Variants in ITGA8 observed in about 807,000 individuals in gnomAD.
The protein encoded by ITGA8 is integrin subunit alpha 8.
In ITGA8, 91 loss-of-function variants were observed where a neutral mutation model predicts 142.3. The observed-to-expected ratio is 0.64, with a 90% confidence interval of 0.54 to 0.76. The LOEUF (loss-of-function observed/expected upper bound fraction) is 0.76, where lower values mean the gene tolerates loss of function less well. Ranked by LOEUF, ITGA8 falls within the 30% of genes least tolerant of loss-of-function variation. The pLI, the probability that ITGA8 is intolerant of heterozygous loss-of-function variation, is 0.00. For missense variants in ITGA8, 1,406 were observed against 1,327.7 expected, an observed-to-expected ratio of 1.06 and a Z score of -0.92; for synonymous variants, 505 against 485.2, an observed-to-expected ratio of 1.04 and a Z score of -0.54.
chr10:15,685,987 GT>G (rs1459301331), intron 3 of ITGA8, among the ~76,000 whole-genome samples: 2 of 152,146 alleles, frequency 1.3e-5, no homozygotes, highest in Non-Finnish European at 2.9e-5. Context: ...TTGGACTTCT[GT>G]TTTTCTTGCC....
chr10:15,569,528 C>G (rs545060102), intron 25 of ITGA8, among the ~76,000 whole-genome samples: 55 of 152,322 alleles, frequency 3.6e-4, no homozygotes, highest in African/African-American at 1.3e-3. Context: ...TCTGCTGCCT[C>G]CCTGTTCCTT....
At chr10:15,638,325 C>T (rs558988871) in intron 13 of ITGA8, among the ~76,000 whole-genome samples, 60 of 152,294 alleles carry the variant, frequency 3.9e-4, no homozygotes, top group African/African-American at 1.4e-3. Flanking sequence ...TCACAATCAG[C>T]CCTCCTCTGT....
intron 22 of ITGA8, among the ~76,000 whole-genome samples, chr10:15,587,898 C>T (rs1428100314): frequency 6.6e-6 from 1 of 152,154 alleles, no homozygotes; most frequent in African/African-American, 2.4e-5. Context: ...CAAAGAGGCT[C>T]AACCAGTAAC....
At chr10:15,568,748 A>G (rs1834123154) in intron 25 of ITGA8, among the ~76,000 whole-genome samples, 1 of 152,246 alleles carries the variant, frequency 6.6e-6, no homozygotes, top group Non-Finnish European at 1.5e-5. Context: ...TGATGCCGTC[A>G]AAGTATGTAT....
intron 28 of ITGA8, among the ~76,000 whole-genome samples, chr10:15,529,059 T>C (rs200395154): frequency 4.3e-5 from 6 of 139,816 alleles, no homozygotes; most frequent in African/African-American, 8.8e-5. Flanking sequence ...TTCCTTCCTT[T>C]CTTCCTTTCT....
chr10:15,583,899 A>G (rs1834462675), intron 23 of ITGA8, among the ~76,000 whole-genome samples: 1 of 152,348 alleles, frequency 6.6e-6, no homozygotes, highest in South Asian at 2.1e-4. Context: ...CTGTTGAAAG[A>G]TATTGGTAAT....
At chr10:15,660,953 A>T (rs1834274465) in intron 8 of ITGA8, 31 bp from the exon 9 acceptor site, 3 of 1,579,636 alleles carry the variant, frequency 1.9e-6, no homozygotes, top group Admixed American at 1.7e-5. Context: ...TTAGAAGGGG[A>T]ATTACTCACA....
intron 2 of ITGA8, among the ~76,000 whole-genome samples, chr10:15,696,563 T>G (rs867779657): frequency 1.7e-4 from 26 of 152,196 alleles, no homozygotes; most frequent in Non-Finnish European, 4.4e-5. Flanking sequence ...CACTTACCAA[T>G]CTGGCTCCAA....
intron 25 of ITGA8, among the ~76,000 whole-genome samples, chr10:15,570,610 C>CAAAAAAAAAAAAAAAAAAAA (rs931457896): frequency 2.5e-5 from 1 of 40,040 alleles, no homozygotes; most frequent in African/African-American, 9.4e-5. Context: ...AACTCCATCT[C>CAAAAAAAAAAAAAAAAAAAA]AAAAAAAAAA....
intron 26 of ITGA8, among the ~76,000 whole-genome samples, chr10:15,552,198 G>A (rs1342328827): frequency 6.6e-6 from 1 of 151,744 alleles, no homozygotes; most frequent in Non-Finnish European, 1.5e-5. Flanking sequence ...GTGCAGTGGT[G>A]CCATCTCAGC....
In ITGA8 at chr10:15,678,790, C is replaced by A; in HGVS notation, c.569-7G>T. The A allele has an allele frequency of 6.4e-7, 1 of 1,572,226 alleles. No homozygotes were observed. Among genetic ancestry groups the A allele is most frequent in the Non-Finnish European group, 8.7e-7 (1 of 1,144,632 alleles). ...CCTTCCGGATCAGCATTGCCTAGAACGATCAAAATACATAAATGTTATAAC... is the reference window on the plus strand; with the variant it reads ...CCTTCCGGATCAGCATTGCCTAGAAAGATCAAAATACATAAATGTTATAAC... On this transcript the variant is annotated splice_region_variant and splice_polypyrimidine_tract_variant and intron_variant, in intron 4 of 29. Coordinates refer to ENST00000378076, the MANE Select transcript of ITGA8 (RefSeq NM_003638.3).
intron 2 of ITGA8, among the ~76,000 whole-genome samples, chr10:15,715,753 G>C (rs995962083): frequency 6.6e-6 from 1 of 152,220 alleles, no homozygotes; most frequent in Admixed American, 6.5e-5. Context: ...CTTTGTCCAC[G>C]AAGTGGATGT....
chr10:15,663,893 A>G (rs1168197133), intron 8 of ITGA8, among the ~76,000 whole-genome samples: 1 of 152,208 alleles, frequency 6.6e-6, no homozygotes, highest in Non-Finnish European at 1.5e-5. Flanking sequence ...CTAATGCCAC[A>G]TTAAAAAAAA....
At chr10:15,548,405 A>T (rs755447135) in intron 27 of ITGA8, 50 bp downstream of exon 27, 4 of 1,279,934 alleles carry the variant, frequency 3.1e-6, no homozygotes, top group Non-Finnish European at 4.5e-6. Flanking sequence ...AGCTTTTGTG[A>T]AGCAGCTCCC....
intron 25 of ITGA8, among the ~76,000 whole-genome samples, chr10:15,561,496 C>T (rs978177103): frequency 6.6e-6 from 1 of 151,920 alleles, no homozygotes; most frequent in Non-Finnish European, 1.5e-5. Context: ...GCAAGCACAG[C>T]TTGGCTATAA....
At chr10:15,714,554 C>A (rs1156878015) in intron 2 of ITGA8, among the ~76,000 whole-genome samples, 2 of 152,128 alleles carry the variant, frequency 1.3e-5, no homozygotes, top group Admixed American at 1.3e-4. Flanking sequence ...CTTTGCATCT[C>A]CCCCACCAGC....
chr10:15,685,340 A>G (rs2131705247), intron 3 of ITGA8, among the ~76,000 whole-genome samples: 1 of 152,336 alleles, frequency 6.6e-6, no homozygotes, highest in Middle Eastern at 3.4e-3. Flanking sequence ...TCCTATGCTT[A>G]TTTCCAGCTA....
At chr10:15,630,723 G>GA (rs1295401068) in intron 13 of ITGA8, among the ~76,000 whole-genome samples, 2 of 151,876 alleles carry the variant, frequency 1.3e-5, no homozygotes, top group African/African-American at 4.9e-5. Context: ...AATTCAAAGT[G>GA]ACATATTAAA....
At chr10:15,658,158 C>T (rs866046744) in intron 10 of ITGA8, among the ~76,000 whole-genome samples, 4 of 152,108 alleles carry the variant, frequency 2.6e-5, no homozygotes, top group African/African-American at 4.8e-5. Context: ...GGAAGATAAA[C>T]ATTTTATTCT....
Sources: gnomAD v4.1 joint callset for allele counts (sites outside exome capture counted in the v4.1 genomes callset) on GRCh38, gnomAD v4.1.1 for gene constraint, MANE v1.5 for transcripts, NCBI Gene and HGNC (gene_info 2026-07-23, HGNC 2026-07-21) for gene names.